KIF4B: variants seen among roughly 807,000 people sequenced by gnomAD.
The protein encoded by KIF4B is kinesin family member 4B.
A neutral mutation model predicts 69.0 loss-of-function variants in KIF4B; 60 were observed. That is an observed-to-expected ratio of 0.87 (90% CI 0.71 to 1.08). The LOEUF (loss-of-function observed/expected upper bound fraction) is 1.08, where lower values mean the gene tolerates loss of function less well. Among genes scored for constraint, KIF4B ranks in the 50% least tolerant of loss-of-function variants. The probability of loss-of-function intolerance (pLI) is 0.00; values close to 1 mark genes in which losing one functional copy is unlikely to be tolerated. For missense variants in KIF4B, 1,357 were observed against 1,451.9 expected (o/e 0.93, Z 1.06); for synonymous variants, 489 against 533.0 (o/e 0.92, Z 1.14).
Position 155,015,970 on chromosome 5 carries a change from C to G in KIF4B, c.2111C>G (p.Thr704Arg). ...CAATCCAGTGTGCTCAGACGTAAAA[C>G]GGAAGAGGCAGCAGCTGCCAACAAG... The part of the protein sequence containing the change: ...QKQSSVLRRK[T>R]EEAAAANKRL... The change falls in exon 1 of 1, where the codon ACG becomes AGG. Residue 704 changes from threonine (T) to arginine (R), a missense_variant. Physicochemically the swap from Thr to Arg is moderately conservative, Grantham distance 71. Coordinates refer to ENST00000435029, the MANE Select transcript of KIF4B (RefSeq NM_001099293.3). 6.2e-7 allele frequency: 1 copy of G among 1,614,074 alleles called. No homozygotes were observed. Among genetic ancestry groups the G allele is most frequent in the Non-Finnish European group, 8.5e-7 (1 of 1,180,028 alleles).
At position 155,014,128 on chromosome 5, in the gene KIF4B, C is replaced by T. The variant is rs1349799995; in HGVS notation, c.269C>T (p.Thr90Ile). ...GCAACGGTCCTGGCCTATGGGCAGACTGGCTCTGGAAAAACCTATTCAATG... is the reference window on the plus strand; with the variant it reads ...GCAACGGTCCTGGCCTATGGGCAGATTGGCTCTGGAAAAACCTATTCAATG... ...YNATVLAYGQ[T>I]GSGKTYSMGG... The change falls in exon 1 of 1, where the codon ACT becomes ATT. Residue 90 changes from threonine to isoleucine, a missense_variant. By Grantham distance (89) the Thr-to-Ile change is moderately conservative. Coordinates refer to ENST00000435029, the MANE Select transcript of KIF4B (RefSeq NM_001099293.3). The T allele has an allele frequency of 6.2e-7, 1 of 1,614,270 alleles. No homozygotes were observed. The highest frequency in any genetic ancestry group is 8.5e-7 in the Non-Finnish European group (1 of 1,180,052).
chr5:155,013,965 C>A lies in KIF4B; in HGVS notation c.106C>A (p.Pro36Thr), dbSNP rs1454233772. 6.2e-7 allele frequency: 1 copy of A among 1,614,134 alleles called. No individual in the cohort carries two copies. Among genetic ancestry groups the A allele is most frequent in the African/African-American group, 1.3e-5 (1 of 74,944 alleles). ...CTGCCAGATGTGCCTTTCCTTCGTG[C>A]CCGGGGAGACTCAGGTGGTGGTTGG... is the stretch of plus-strand genomic sequence containing the variant. Reference protein sequence around the residue: ...EGCQMCLSFVPGETQVVVGTD... With the variant: ...EGCQMCLSFVTGETQVVVGTD... The change falls in exon 1 of 1, where the codon CCC becomes ACC. Residue 36 changes from proline to threonine, a missense_variant. Transcript: ENST00000435029.
rs1233073051 is a variant in KIF4B, at chr5:155,017,714, T to C, written c.*150T>C. On this transcript the variant is annotated 3_prime_UTR_variant, in exon 1 of 1. Coordinates refer to ENST00000435029, the MANE Select transcript of KIF4B (RefSeq NM_001099293.3). ...GCATTACTAAAAAGAAGGTAACCTT[T>C]GTTGGATGTTGTCCCTCAGTCTCCA... is the stretch of plus-strand genomic sequence containing the variant. The C allele has an allele frequency of 9.5e-6, 13 of 1,361,900 alleles. No homozygotes were observed. Among genetic ancestry groups the C allele is most frequent in the Non-Finnish European group, 1.2e-5 (12 of 1,021,204 alleles). 84.4% of individuals were successfully genotyped at this position (1,361,900 alleles called of 1,614,324 possible). A position where few individuals can be genotyped will look rare whatever the true frequency, so the allele number is the denominator to read the frequency against.
Position 155,015,548 on chromosome 5 carries a change from T to C in KIF4B, c.1689T>C (p.Asn563=). The change falls in exon 1 of 1, where the codon AAT becomes AAC. Residue 563 remains asparagine (N), a synonymous_variant. Transcript: ENST00000435029. ...IQFQYQDNIK[N]LELEVINLQK... ...TTCAATACCAGGATAACATAAAAAA[T>C]CTAGAATTAGAAGTCATCAATCTGC... 6.2e-7 allele frequency: 1 copy of C among 1,614,098 alleles called. No individual in the cohort carries two copies. The highest frequency in any genetic ancestry group is 8.5e-7 in the Non-Finnish European group (1 of 1,180,026).
Position 155,015,204 on chromosome 5 carries a change from A to C in KIF4B, c.1345A>C (p.Lys449Gln), listed in dbSNP as rs1403853719. Residue 449 changes from lysine to glutamine, a missense_variant, in exon 1 of 1, where the codon AAG becomes CAG. By Grantham distance (53) the Lys-to-Gln change is moderately conservative. Transcript: ENST00000435029. ...QHVACKLDLQ[K>Q]LVETLEDQEL... ...TGTGGCCTGCAAGCTGGATCTTCAAAAGCTAGTGGAGACTTTGGAAGACCA... is the reference window on the plus strand; with the variant it reads ...TGTGGCCTGCAAGCTGGATCTTCAACAGCTAGTGGAGACTTTGGAAGACCA... 4 of 1,614,120 alleles carry C rather than the reference A, an allele frequency of 2.5e-6. No homozygotes were observed. The highest frequency in any genetic ancestry group is 3.4e-6 in the Non-Finnish European group (4 of 1,180,046).
At position 155,013,866 on chromosome 5, in the gene KIF4B, G is replaced by A; in HGVS notation, c.7G>A (p.Glu3Lys). The A allele has an allele frequency of 6.2e-7, 1 of 1,613,240 alleles. No individual in the cohort carries two copies. The highest frequency in any genetic ancestry group is 8.5e-7 in the Non-Finnish European group (1 of 1,180,034). Residue 3 changes from glutamate to lysine, a missense_variant, in exon 1 of 1, where the codon GAA becomes AAA. Transcript: ENST00000435029. MK[E>K]EVKGIPVRVA... The stretch of plus-strand genomic sequence containing the variant: ...ACGGTGCTGAGATAGGATCATGAAG[G>A]AAGAGGTGAAGGGAATTCCTGTAAG...
chr5:155,013,822 A>C lies in KIF4B; in HGVS notation c.-38A>C. ...GGCGGGAGACCCCGGGTGAACGGGG[A>C]AGGGACATTTAGTTTGAGACGGTGC... On this transcript the variant is annotated 5_prime_UTR_variant, in exon 1 of 1. Transcript: ENST00000435029. The C allele has an allele frequency of 6.2e-7, 1 of 1,607,746 alleles. No homozygotes were observed. Among genetic ancestry groups the C allele is most frequent in the Non-Finnish European group, 8.5e-7 (1 of 1,176,310 alleles).
At position 155,016,785 on chromosome 5, in the gene KIF4B, G is replaced by A; in HGVS notation, c.2926G>A (p.Val976Met). 6.2e-7 allele frequency: 1 copy of A among 1,614,194 alleles called. No individual in the cohort carries two copies. Among genetic ancestry groups the A allele is most frequent in the Non-Finnish European group, 8.5e-7 (1 of 1,180,046 alleles). Residue 976 changes from valine to methionine, a missense_variant, in exon 1 of 1, where the codon GTG becomes ATG. By Grantham distance (21) the Val-to-Met change is conservative. Transcript: ENST00000435029. ...QDEELEKMRE[V>M]CEQNQQLLQE... is the part of the protein sequence containing the mutation. ...TGAAGAACTTGAGAAGATGCGAGAA[G>A]TGTGTGAGCAAAATCAGCAGCTTCT...
In KIF4B at chr5:155,017,849, A is replaced by T; in HGVS notation, c.*285A>T. 1 of 430,530 alleles carries T rather than the reference A, an allele frequency of 2.3e-6. No individual in the cohort carries two copies. The highest frequency in any genetic ancestry group is 4.2e-6 in the Non-Finnish European group (1 of 236,244). 26.7% of individuals were successfully genotyped at this position (430,530 alleles called of 1,614,324 possible). A position where few individuals can be genotyped will look rare whatever the true frequency, so the allele number is the denominator to read the frequency against. On this transcript the variant is annotated 3_prime_UTR_variant, in exon 1 of 1. Coordinates refer to ENST00000435029, the MANE Select transcript of KIF4B (RefSeq NM_001099293.3). ...TCAGGAACCAGTCCTCAGTATGATCAAGTTCCTTCTTATTTGTGAGCAGTT... is the reference window on the plus strand; with the variant it reads ...TCAGGAACCAGTCCTCAGTATGATCTAGTTCCTTCTTATTTGTGAGCAGTT...
In KIF4B at chr5:155,015,427, C is replaced by T; in HGVS notation, c.1568C>T (p.Ser523Phe). Reference protein sequence around the residue: ...TQHALHQAQMSKEVVELNNAL... With the variant: ...TQHALHQAQMFKEVVELNNAL... The stretch of plus-strand genomic sequence containing the variant: ...CATGCTCTCCATCAAGCTCAGATGT[C>T]TAAGGAGGTGGTTGAGTTGAATAAC... The change falls in exon 1 of 1, where the codon TCT (serine) becomes TTT (phenylalanine). Residue 523 changes from serine (S) to phenylalanine (F), a missense_variant. Ser to Phe is a radical substitution (Grantham distance 155). Transcript: ENST00000435029. 1.2e-6 allele frequency: 2 copies of T among 1,614,180 alleles called. No individual in the cohort carries two copies. Among genetic ancestry groups the T allele is most frequent in the Non-Finnish European group, 1.7e-6 (2 of 1,180,038 alleles).
In KIF4B at chr5:155,015,035, T is replaced by C. The variant is rs1312811408; in HGVS notation, c.1176T>C (p.Asn392=). 1 of 1,614,084 alleles carries C rather than the reference T, an allele frequency of 6.2e-7. No homozygotes were observed. The highest frequency in any genetic ancestry group is 8.5e-7 in the Non-Finnish European group (1 of 1,180,052). Residue 392 remains asparagine, a synonymous_variant, in exon 1 of 1, where the codon AAT becomes AAC. Transcript: ENST00000435029. The stretch of plus-strand genomic sequence containing the variant: ...ATCTACAATCCCTGATGGAGAAGAA[T>C]CAGTCCCTGGTAGAGGAGAATGAAA... The part of the protein sequence containing the change: ...SENLQSLMEK[N]QSLVEENEKL...
In KIF4B at chr5:155,017,633, T is replaced by G; in HGVS notation, c.*69T>G. 1 of 1,515,236 alleles carries G rather than the reference T, an allele frequency of 6.6e-7. No individual in the cohort carries two copies. Among genetic ancestry groups the G allele is most frequent in the Non-Finnish European group, 8.8e-7 (1 of 1,137,406 alleles). 93.9% of individuals were successfully genotyped at this position (1,515,236 alleles called of 1,614,324 possible). On this transcript the variant is annotated 3_prime_UTR_variant, in exon 1 of 1. Coordinates refer to ENST00000435029, the MANE Select transcript of KIF4B (RefSeq NM_001099293.3). ...CTTTCCAGTTGCAGCCAGAAGGGGT[T>G]TTTTAAATGACTTCTCTGGATTTCA...
At position 155,017,309 on chromosome 5, in the gene KIF4B, G is replaced by A. The variant is rs1453970559; in HGVS notation, c.3450G>A (p.Val1150=). 6.2e-7 allele frequency: 1 copy of A among 1,614,160 alleles called. No individual in the cohort carries two copies. The highest frequency in any genetic ancestry group is 2.2e-5 in the East Asian group (1 of 44,876). Residue 1150 remains valine, a synonymous_variant, in exon 1 of 1, where the codon GTG becomes GTA. Transcript: ENST00000435029. ...GSFKLEDPTE[V]TPGLSFFNPV... is the part of the protein sequence containing the mutation. The stretch of plus-strand genomic sequence containing the variant: ...TCAAACTGGAGGATCCTACCGAGGT[G>A]ACCCCAGGATTGAGCTTCTTTAACC...
chr5:155,017,341 G>T lies in KIF4B; in HGVS notation c.3482G>T (p.Cys1161Phe), dbSNP rs934890853. The T allele has an allele frequency of 3.1e-6, 5 of 1,614,084 alleles. No homozygotes were observed. Among genetic ancestry groups the T allele is most frequent in the African/African-American group, 1.3e-5 (1 of 74,918 alleles). Residue 1161 changes from cysteine to phenylalanine, a missense_variant, in exon 1 of 1, where the codon TGT (cysteine) becomes TTT (phenylalanine). Cys to Phe is a radical substitution (Grantham distance 205). Coordinates refer to ENST00000435029, the MANE Select transcript of KIF4B (RefSeq NM_001099293.3). Reference sequence around the variant, plus strand: ...GGATTGAGCTTCTTTAACCCTGTCTGTGCCACCCCCAATAGCAAGATCCTG... The same window carrying T: ...GGATTGAGCTTCTTTAACCCTGTCTTTGCCACCCCCAATAGCAAGATCCTG... ...TPGLSFFNPV[C>F]ATPNSKILKE...
Position 155,017,128 on chromosome 5 carries a change from G to T in KIF4B, c.3269G>T (p.Cys1090Phe), listed in dbSNP as rs996979754. The change falls in exon 1 of 1, where the codon TGC becomes TTC. Residue 1090 changes from cysteine (C) to phenylalanine (F), a missense_variant. By Grantham distance (205) the Cys-to-Phe change is radical. Coordinates refer to ENST00000435029, the MANE Select transcript of KIF4B (RefSeq NM_001099293.3). ...AGGAAGAACATCCAAGGGTGTTCCT[G>T]CAAGGGCTGGTGTGGGAACAAGCAG... Reference protein sequence around the residue: ...VSRKNIQGCSCKGWCGNKQCG... With the variant: ...VSRKNIQGCSFKGWCGNKQCG... The T allele has an allele frequency of 6.8e-6, 11 of 1,614,072 alleles. No homozygotes were observed. The highest frequency in any genetic ancestry group is 9.3e-6 in the Non-Finnish European group (11 of 1,180,048).
In KIF4B at chr5:155,014,002, C is replaced by T. The variant is rs1481965337; in HGVS notation, c.143C>T (p.Ser48Phe). The T allele has an allele frequency of 3.1e-6, 5 of 1,614,072 alleles. No individual in the cohort carries two copies. The Admixed American group carries it at 8.3e-5, about 27-fold the overall frequency. ...CAGGTGGTGGTTGGTACTGATAAAT[C>T]CTTCACCTACGATTTTGTGTTTGAC... ...ETQVVVGTDK[S>F]FTYDFVFDPC... Residue 48 changes from serine to phenylalanine, a missense_variant, in exon 1 of 1, where the codon TCC (serine) becomes TTC (phenylalanine). By Grantham distance (155) the Ser-to-Phe change is radical (BLOSUM62 -2). Coordinates refer to ENST00000435029, the MANE Select transcript of KIF4B (RefSeq NM_001099293.3).
At position 155,015,233 on chromosome 5, in the gene KIF4B, A is replaced by G; in HGVS notation, c.1374A>G (p.Glu458=). The change falls in exon 1 of 1, where the codon GAA becomes GAG. Residue 458 remains glutamate, a synonymous_variant. Coordinates refer to ENST00000435029, the MANE Select transcript of KIF4B (RefSeq NM_001099293.3). ...QKLVETLEDQ[E]LKENVEIICN... ...TAGTGGAGACTTTGGAAGACCAGGA[A>G]TTGAAAGAAAATGTAGAGATAATTT... The G allele has an allele frequency of 6.2e-7, 1 of 1,614,238 alleles. No individual in the cohort carries two copies. The highest frequency in any genetic ancestry group is 8.5e-7 in the Non-Finnish European group (1 of 1,180,042).
At position 155,015,996 on chromosome 5, in the gene KIF4B, C is replaced by T. The variant is rs200206658; in HGVS notation, c.2137C>T (p.Arg713Ter). 1.7e-4 allele frequency: 275 copies of T among 1,614,010 alleles called. No individual in the cohort carries two copies. The highest frequency in any genetic ancestry group is 3.0e-4 in the South Asian group (27 of 91,080). ...KTEEAAAANK[R>*]LKDALQKQRE... ...GGAAGAGGCAGCAGCTGCCAACAAG[C>T]GACTCAAGGATGCTCTCCAGAAACA... Residue 713 changes from arginine to a stop codon, truncating the protein, a stop_gained, in exon 1 of 1, where the codon CGA becomes TGA. Transcript: ENST00000435029. LOFTEE classifies it high-confidence loss of function.
rs200206658 is a variant in KIF4B at position 155,015,996 on chromosome 5, C to A, written c.2137C>A (p.Arg713=). 1.9e-6 allele frequency: 3 copies of A among 1,614,012 alleles called. No homozygotes were observed. Among genetic ancestry groups the A allele is most frequent in the African/African-American group, 1.3e-5 (1 of 74,886 alleles). ...KTEEAAAANK[R]LKDALQKQRE... is the part of the protein sequence containing the mutation. ...GGAAGAGGCAGCAGCTGCCAACAAG[C>A]GACTCAAGGATGCTCTCCAGAAACA... Residue 713 remains arginine, a synonymous_variant, in exon 1 of 1, where the codon CGA becomes AGA. Coordinates refer to ENST00000435029, the MANE Select transcript of KIF4B (RefSeq NM_001099293.3).
Sources: gnomAD v4.1 joint callset for allele counts on GRCh38, gnomAD v4.1.1 for gene constraint, MANE v1.5 for transcripts, NCBI Gene and HGNC (gene_info 2026-07-23, HGNC 2026-07-21) for gene names.